Variants in SRGAP3 observed in about 807,000 individuals in gnomAD.
SRGAP3 encodes the protein SLIT-ROBO Rho GTPase-activating protein 3.
In SRGAP3, 39 loss-of-function variants were observed where a neutral mutation model predicts 121.1. The ratio of observed to expected loss-of-function variants is 0.32; its 90% CI spans 0.25 to 0.42. The LOEUF (loss-of-function observed/expected upper bound fraction) is 0.42, where lower values mean the gene tolerates loss of function less well. SRGAP3 is among the 10% of genes least tolerant of loss of function. The pLI is 1.00. For synonymous variants in SRGAP3, 601 were observed against 570.0 expected, an observed-to-expected ratio of 1.05 and a Z score of -0.77; for missense variants, 1,213 against 1,470.6, an observed-to-expected ratio of 0.82 and a Z score of 2.86.
At chr3:9,151,355 T>G (rs1398528916) in intron 1 of SRGAP3, among the ~76,000 whole-genome samples, 1 of 152,066 alleles carries the variant, frequency 6.6e-6, no homozygotes, top group Admixed American at 6.5e-5. Flanking sequence ...CCATCAACAA[T>G]GTGGAGAACG....
Position 9,115,949 on chromosome 3 carries a change from A to G in SRGAP3, c.260+8776T>C, listed in dbSNP as rs544030196. On this transcript the variant is annotated intron_variant, in intron 2 of 21. Coordinates refer to ENST00000383836, the MANE Select transcript of SRGAP3 (RefSeq NM_014850.4). ...TGAGGTCTGTTCTCTATTTGCTAAAAAGGAGATTGGAGGACATTAACAATA... is the reference window on the plus strand; with the variant it reads ...TGAGGTCTGTTCTCTATTTGCTAAAGAGGAGATTGGAGGACATTAACAATA... Among the ~76,000 whole-genome samples the G allele has an allele frequency of 3.9e-5, 6 of 152,356 alleles. No individual in the cohort carries two copies. In the East Asian group the frequency reaches 1.2e-3, roughly 29 times the overall value.
intron 1 of SRGAP3, among the ~76,000 whole-genome samples, chr3:9,206,227 G>C (rs750658148): frequency 1.3e-5 from 2 of 152,096 alleles, no homozygotes; most frequent in African/African-American, 4.8e-5. Flanking sequence ...TAACCTCTAC[G>C]TGCATTATTG....
In SRGAP3 at chr3:9,013,781, G is replaced by A. The variant is rs761683231; in HGVS notation, c.1875C>T (p.Arg625=). 1.2e-6 allele frequency: 2 copies of A among 1,614,204 alleles called. No individual in the cohort carries two copies. The highest frequency in any genetic ancestry group is 2.2e-5 in the East Asian group (1 of 44,880). The change falls in exon 16 of 22, where the codon CGC becomes CGT. Residue 625 remains arginine, a synonymous_variant. Coordinates refer to ENST00000383836, the MANE Select transcript of SRGAP3 (RefSeq NM_014850.4). ...GGTATCTCATGACCACAATGACCAC[G>A]CGGGGAAGGGTGACGAGGATTTGTT... ...QIQQILVTLP[R]VVIVVMRYLF...
At chr3:9,147,107 A>G (rs1427587320) in intron 1 of SRGAP3, among the ~76,000 whole-genome samples, 6 of 152,170 alleles carry the variant, frequency 3.9e-5, no homozygotes, top group South Asian at 2.1e-4. Flanking sequence ...TACCATTCCC[A>G]TTGTCAAGAT....
chr3:9,073,560 C>T (rs1474890284), intron 4 of SRGAP3, among the ~76,000 whole-genome samples: 1 of 152,208 alleles, frequency 6.6e-6, no homozygotes, highest in Non-Finnish European at 1.5e-5. Context: ...CTCTGGGCAA[C>T]CCTGAGCTGG....
chr3:9,008,901 T>C (rs2125013759), intron 18 of SRGAP3, among the ~76,000 whole-genome samples: 1 of 152,260 alleles, frequency 6.6e-6, no homozygotes, highest in African/African-American at 2.4e-5. Context: ...GAAGCCCTTT[T>C]CCACTGAGAG....
intron 1 of SRGAP3, among the ~76,000 whole-genome samples, chr3:9,181,405 C>T (rs1951394396): frequency 6.6e-6 from 1 of 152,180 alleles, no homozygotes; most frequent in South Asian, 2.1e-4. Flanking sequence ...ATTATCTCAC[C>T]GTTCTGTAGC....
chr3:9,246,011 C>T (rs1574934481), intron 1 of SRGAP3, among the ~76,000 whole-genome samples: 1 of 152,292 alleles, frequency 6.6e-6, no homozygotes, highest in Middle Eastern at 3.4e-3. Context: ...AGTTCCCCAT[C>T]ACTAGAAATG....
intron 3 of SRGAP3, among the ~76,000 whole-genome samples, chr3:9,270,231 T>G (rs540783498): frequency 6.6e-6 from 1 of 152,318 alleles, no homozygotes; most frequent in Admixed American, 6.5e-5. Context: ...ATATTGATAA[T>G]AAAAGTATAC....
intron 3 of SRGAP3, among the ~76,000 whole-genome samples, chr3:9,269,653 G>A (rs1954435865): frequency 6.6e-6 from 1 of 152,160 alleles, no homozygotes; most frequent in East Asian, 1.9e-4. Context: ...GGATGAGAGG[G>A]AGTAAGGAGG....
chr3:9,214,714 T>C (rs4684627), intron 1 of SRGAP3, among the ~76,000 whole-genome samples: 35,874 of 152,170 alleles, frequency 0.24, 5,387 homozygotes, highest in Admixed American at 0.39. Context: ...TCTGTGCTTA[T>C]GGCATCCTTT....
intron 1 of SRGAP3, among the ~76,000 whole-genome samples, chr3:9,245,585 A>T (rs1443582410): frequency 6.6e-6 from 1 of 152,228 alleles, no homozygotes; most frequent in African/African-American, 2.4e-5. Context: ...GGAACTATAG[A>T]ACCAATAAGT....
chr3:9,286,492 C>T (rs1043773178), intron 3 of SRGAP3, among the ~76,000 whole-genome samples: 2 of 152,090 alleles, frequency 1.3e-5, no homozygotes, highest in Non-Finnish European at 2.9e-5. Flanking sequence ...AAGACCCCAT[C>T]TCTATTTTTT....
intron 3 of SRGAP3, among the ~76,000 whole-genome samples, chr3:9,297,970 A>C (rs1280669594): frequency 6.6e-6 from 1 of 152,114 alleles, no homozygotes; most frequent in Non-Finnish European, 1.5e-5. Flanking sequence ...TGTGAAGACC[A>C]AGGAATAAGA....
intron 1 of SRGAP3, among the ~76,000 whole-genome samples, chr3:9,155,854 C>T (rs991586834): frequency 2.0e-5 from 3 of 152,170 alleles, no homozygotes; most frequent in African/African-American, 4.8e-5. Flanking sequence ...CTCGCTCTGT[C>T]GCCCAGGCTG....
intron 11 of SRGAP3, chr3:9,037,175 C>T (rs1944786792): frequency 6.6e-6 from 1 of 152,254 alleles, no homozygotes; most frequent in South Asian, 2.1e-4. Context: ...AAAGAATGCC[C>T]TCAGGTCCCT....
chr3:9,196,442 A>G (rs1396028108), intron 1 of SRGAP3, among the ~76,000 whole-genome samples: 3 of 152,234 alleles, frequency 2.0e-5, no homozygotes, highest in Non-Finnish European at 2.9e-5. Context: ...GAAAGCTTTC[A>G]GTTGTAAAAG....
chr3:9,272,164 T>C (rs150109430), intron 3 of SRGAP3, among the ~76,000 whole-genome samples: 3 of 152,338 alleles, frequency 2.0e-5, no homozygotes, highest in Non-Finnish European at 2.9e-5. Flanking sequence ...CATCCCTTCG[T>C]AGTAGAAAAT....
Position 9,009,801 on chromosome 3 carries a change from T to C in SRGAP3, c.2227+507A>G, listed in dbSNP as rs530709135. On this transcript the variant is annotated intron_variant, in intron 18 of 21. Transcript: ENST00000383836. ...TTGATTTCATCTCCAGGGTGCCCAA[T>C]GCACCAGACACACCTGTAATCTGGC... is the stretch of plus-strand genomic sequence containing the variant. Among the ~76,000 whole-genome samples the C allele has an allele frequency of 1.5e-3, 229 of 152,260 alleles. 2 individuals carry two copies. The highest frequency in any genetic ancestry group is 0.01 in the Middle Eastern group (3 of 294).
Sources: allele counts gnomAD v4.1 joint callset (sites outside exome capture counted in the v4.1 genomes callset), GRCh38; gene constraint gnomAD v4.1.1; transcripts MANE v1.5; gene names NCBI Gene and HGNC (gene_info 2026-07-23, HGNC 2026-07-21).